AUTS2: variants seen among roughly 807,000 people sequenced by gnomAD.
The protein encoded by AUTS2 is activator of transcription and developmental regulator AUTS2.
AUTS2 carries 17 observed loss-of-function variants against 112.4 expected under a neutral mutation model. The observed-to-expected ratio is 0.15, with a 90% CI of 0.10 to 0.23. The LOEUF is 0.23. AUTS2 is among the 10% of genes least tolerant of loss of function. The probability of loss-of-function intolerance (pLI) is 1.00; values close to 1 mark genes in which losing one functional copy is unlikely to be tolerated. For missense variants in AUTS2, 1,510 were observed against 1,701.6 expected, an observed-to-expected ratio of 0.89 and a Z score of 1.98; for synonymous variants, 751 against 702.7, an observed-to-expected ratio of 1.07 and a Z score of -1.09.
chr7:69,973,643 A>G (rs963102687), intron 2 of AUTS2, among the ~76,000 whole-genome samples: 3 of 152,066 alleles, frequency 2.0e-5, no homozygotes, highest in African/African-American at 7.2e-5. Context: ...TTTATCATGA[A>G]TGGATGTAGA....
intron 4 of AUTS2, among the ~76,000 whole-genome samples, chr7:70,238,934 C>T (rs1212123896): frequency 2.0e-5 from 3 of 152,094 alleles, no homozygotes; most frequent in Admixed American, 2.0e-4. Context: ...ATTAGTAGAA[C>T]TCCCTAATTA....
chr7:70,135,996 G>C (rs1453719527), intron 4 of AUTS2, among the ~76,000 whole-genome samples: 6 of 152,086 alleles, frequency 3.9e-5, no homozygotes, highest in Non-Finnish European at 8.8e-5. Context: ...GATCACTTCT[G>C]TACTGAACAT....
chr7:70,706,138 G>T (rs1227402482), intron 6 of AUTS2, among the ~76,000 whole-genome samples: 1 of 152,204 alleles, frequency 6.6e-6, no homozygotes, highest in African/African-American at 2.4e-5. Flanking sequence ...AAATTTTGCT[G>T]CAGTAACAAA....
chr7:69,862,582 C>T (rs766794565), intron 1 of AUTS2, among the ~76,000 whole-genome samples: 1 of 152,038 alleles, frequency 6.6e-6, no homozygotes, highest in Non-Finnish European at 1.5e-5. Flanking sequence ...TCCCCTTAGA[C>T]AGTTGTGTAT....
intron 2 of AUTS2, among the ~76,000 whole-genome samples, chr7:70,004,154 A>G (rs1418623350): frequency 1.8e-4 from 24 of 132,376 alleles, no homozygotes; most frequent in Admixed American, 1.7e-4. Context: ...TGAATGTGTT[A>G]TATGTGAATA....
At chr7:70,058,012 G>T (rs1006848136) in intron 2 of AUTS2, among the ~76,000 whole-genome samples, 1 of 152,172 alleles carries the variant, frequency 6.6e-6, no homozygotes, top group Non-Finnish European at 1.5e-5. Context: ...ACAGGACATT[G>T]AAAAGACAGT....
intron 4 of AUTS2, among the ~76,000 whole-genome samples, chr7:70,314,029 C>T (rs1490431131): frequency 6.6e-6 from 1 of 152,186 alleles, no homozygotes; most frequent in Non-Finnish European, 1.5e-5. Context: ...TTGATAGACC[C>T]TGCCTTCTTT....
At chr7:70,665,161 G>A (rs1267689106) in intron 5 of AUTS2, among the ~76,000 whole-genome samples, 2 of 152,092 alleles carry the variant, frequency 1.3e-5, no homozygotes, top group South Asian at 4.1e-4. Flanking sequence ...TACAAAACTG[G>A]CTTCCCAAGG....
rs903943283 is a variant in AUTS2 at position 70,486,907 on chromosome 7, C to CG, written c.690+51126_690+51127insG. Among the ~76,000 whole-genome samples the CG allele has an allele frequency of 2.0e-4, 23 of 117,112 alleles. 1 individual carries two copies. The South Asian group carries it at 5.5e-3, about 28-fold the overall frequency. 76.8% of individuals were successfully genotyped at this position (117,112 alleles called of 152,430 possible). A position where few individuals can be genotyped will look rare whatever the true frequency, so the allele number is the denominator to read the frequency against. On this transcript the variant is annotated intron_variant, in intron 5 of 18. Coordinates refer to ENST00000342771, the MANE Select transcript of AUTS2 (RefSeq NM_015570.4). ...TTGTTGTTTTTGTATTCCCCCCCCCCCAAAAAAAAAGAAGAAAAGGTTGCA... is the reference window on the plus strand; with the variant it reads ...TTGTTGTTTTTGTATTCCCCCCCCCCGCAAAAAAAAAGAAGAAAAGGTTGCA...
intron 6 of AUTS2, among the ~76,000 whole-genome samples, chr7:70,727,320 C>G (rs1273577784): frequency 6.6e-6 from 1 of 152,188 alleles, no homozygotes; most frequent in East Asian, 1.9e-4. Flanking sequence ...TTTGTTAGAG[C>G]CCCAAATGCC....
At chr7:70,214,063 A>G (rs373544703) in intron 4 of AUTS2, among the ~76,000 whole-genome samples, 5 of 152,180 alleles carry the variant, frequency 3.3e-5, no homozygotes, top group African/African-American at 1.2e-4. Context: ...ACCTAATTAT[A>G]TATTTCTAAG....
chr7:70,515,162 C>T (rs1177998045), intron 5 of AUTS2, among the ~76,000 whole-genome samples: 2 of 152,066 alleles, frequency 1.3e-5, no homozygotes, highest in African/African-American at 4.8e-5. Context: ...AAGAGTCTCT[C>T]CTGCAGGCAG....
At chr7:70,096,156 G>A (rs1804185440) in intron 2 of AUTS2, among the ~76,000 whole-genome samples, 1 of 152,146 alleles carries the variant, frequency 6.6e-6, no homozygotes. Flanking sequence ...GGGTTGTAAA[G>A]AGTGAATGGA....
At chr7:70,602,447 C>G (rs1459437334) in intron 5 of AUTS2, among the ~76,000 whole-genome samples, 1 of 152,144 alleles carries the variant, frequency 6.6e-6, no homozygotes, top group Non-Finnish European at 1.5e-5. Flanking sequence ...TGTTTTGATT[C>G]TTAGTCTATA....
chr7:70,424,137 G>A (rs528228374), intron 4 of AUTS2, among the ~76,000 whole-genome samples: 22 of 152,292 alleles, frequency 1.4e-4, no homozygotes, highest in South Asian at 6.2e-4. Context: ...TCCAAACACA[G>A]CATGATTATT....
chr7:70,670,074 C>T (rs957323475), intron 5 of AUTS2, among the ~76,000 whole-genome samples: 2 of 152,118 alleles, frequency 1.3e-5, no homozygotes, highest in Non-Finnish European at 2.9e-5. Context: ...TCAGGCACAC[C>T]CCGTCCCTGC....
chr7:70,725,055 T>C (rs1786946514), intron 6 of AUTS2, among the ~76,000 whole-genome samples: 1 of 152,240 alleles, frequency 6.6e-6, no homozygotes, highest in Admixed American at 6.5e-5. Context: ...ATGGTACATT[T>C]ATGTAGGATA....
At chr7:69,861,877 G>A (rs544314832) in intron 1 of AUTS2, among the ~76,000 whole-genome samples, 1 of 152,150 alleles carries the variant, frequency 6.6e-6, no homozygotes, top group Non-Finnish European at 1.5e-5. Context: ...AGGATAACTT[G>A]TTTAGACTTT....
chr7:69,917,463 C>CTA (rs1231915994), intron 2 of AUTS2, among the ~76,000 whole-genome samples: 1 of 150,986 alleles, frequency 6.6e-6, no homozygotes, highest in East Asian at 1.9e-4. Context: ...CAGAAATGGA[C>CTA]TATACTACCT....
Sources: gnomAD v4.1 joint callset for allele counts (sites outside exome capture counted in the v4.1 genomes callset) on GRCh38, gnomAD v4.1.1 for gene constraint, MANE v1.5 for transcripts, NCBI Gene and HGNC (gene_info 2026-07-23, HGNC 2026-07-21) for gene names.